Variants in GALNT17 observed in about 807,000 individuals in gnomAD.
GALNT17 encodes polypeptide N-acetylgalactosaminyltransferase 17.
In GALNT17, 29 loss-of-function variants were observed where a neutral mutation model predicts 63.7. The observed-to-expected ratio is 0.46, with a 90% CI of 0.34 to 0.62. The LOEUF (loss-of-function observed/expected upper bound fraction) is 0.62. GALNT17 is among the 20% of genes least tolerant of loss of function. The pLI is 0.01. For missense variants in GALNT17, 603 were observed against 799.6 expected (o/e 0.75, Z 2.97); for synonymous variants, 305 against 318.3 (o/e 0.96, Z 0.45).
chr7:71,229,507 C>T (rs1055574111), intron 1 of GALNT17, among the ~76,000 whole-genome samples: 1 of 152,242 alleles, frequency 6.6e-6, no homozygotes, highest in African/African-American at 2.4e-5. Context: ...GTGAGCTTGG[C>T]TCTCTGATAG....
intron 6 of GALNT17, among the ~76,000 whole-genome samples, chr7:71,644,654 G>A (rs1273961896): frequency 2.6e-5 from 4 of 151,856 alleles, no homozygotes; most frequent in African/African-American, 9.7e-5. Context: ...GGGAGGCTGA[G>A]ACAGGAGGAT....
At position 71,481,280 on chromosome 7, in the gene GALNT17, C is replaced by G. The variant is rs151172755; in HGVS notation, c.962+60175C>G. 4.5e-3 allele frequency among the ~76,000 whole-genome samples: 686 copies of G among 152,192 alleles called. 4 individuals are homozygous for G. Among genetic ancestry groups the G allele is most frequent in the African/African-American group, 0.015 (622 of 41,532 alleles). ...TGGCCAACATGGTGAAACCTCATCT[C>G]TAGTCAAAAAAATACAAAAATTAGT... On this transcript the variant is annotated intron_variant, in intron 5 of 10. Coordinates refer to ENST00000333538, the MANE Select transcript of GALNT17 (RefSeq NM_022479.3).
At chr7:71,527,411 A>C (rs1433374055) in intron 5 of GALNT17, among the ~76,000 whole-genome samples, 1 of 152,176 alleles carries the variant, frequency 6.6e-6, no homozygotes, top group African/African-American at 2.4e-5. Context: ...GGATGTCATT[A>C]AGGTTTCTGG....
At chr7:71,162,050 T>G in intron 1 of GALNT17, among the ~76,000 whole-genome samples, 1 of 103,090 alleles carries the variant, frequency 9.7e-6, no homozygotes, top group Non-Finnish European at 1.9e-5. Flanking sequence ...CTCCCTCCCT[T>G]CCTCCCTTTC....
At position 71,470,556 on chromosome 7, in the gene GALNT17, A is replaced by G. The variant is rs117558888; in HGVS notation, c.962+49451A>G. Among the ~76,000 whole-genome samples the G allele has an allele frequency of 5.2e-4, 79 of 152,198 alleles. 1 individual carries two copies. In the East Asian group the frequency reaches 0.013, roughly 26 times the overall value. On this transcript the variant is annotated intron_variant, in intron 5 of 10. Transcript: ENST00000333538. ...GTAAACTGCTCACTTTTAGAAATGA[A>G]AAGATTGATCCAAGTGGAAGGAGGG...
intron 9 of GALNT17, among the ~76,000 whole-genome samples, chr7:71,693,553 A>T (rs1015545653): frequency 2.6e-5 from 4 of 151,976 alleles, no homozygotes; most frequent in Non-Finnish European, 5.9e-5. Context: ...ACACAGAAAC[A>T]GAAAACCAAA....
intron 6 of GALNT17, among the ~76,000 whole-genome samples, chr7:71,627,216 T>A (rs1406954782): frequency 1.3e-5 from 2 of 152,224 alleles, no homozygotes; most frequent in Non-Finnish European, 2.9e-5. Context: ...TTTACAATGC[T>A]GTGTTCATTA....
chr7:71,367,723 G>A (rs2116258872), intron 2 of GALNT17, among the ~76,000 whole-genome samples: 1 of 152,306 alleles, frequency 6.6e-6, no homozygotes, highest in South Asian at 2.1e-4. Context: ...TCTATTTGGG[G>A]CTCTTCCTAT....
At position 71,348,937 on chromosome 7, in the gene GALNT17, C is replaced by A. The variant is rs567228263; in HGVS notation, c.422+13204C>A. Reference sequence around the variant, plus strand: ...AACCCATCCTAAACTTGCCTCCAGGCGTCTACATGGGCACACACACATCCC... The same window carrying A: ...AACCCATCCTAAACTTGCCTCCAGGAGTCTACATGGGCACACACACATCCC... On this transcript the variant is annotated intron_variant, in intron 2 of 10. Coordinates refer to ENST00000333538, the MANE Select transcript of GALNT17 (RefSeq NM_022479.3). 3.3e-5 allele frequency among the ~76,000 whole-genome samples: 5 copies of A among 152,330 alleles called. No homozygotes were observed. In the East Asian group the frequency reaches 7.7e-4, roughly 24 times the overall value.
rs113070343 is a variant in GALNT17, at chr7:71,189,811, C to CT, written c.238+56787dup. Among the ~76,000 whole-genome samples the CT allele has an allele frequency of 1.9e-3, 264 of 135,752 alleles. 2 individuals are homozygous for CT. The highest frequency in any genetic ancestry group is 2.5e-3 in the Non-Finnish European group (155 of 62,642). 89.1% of individuals were successfully genotyped at this position (135,752 alleles called of 152,430 possible). On this transcript the variant is annotated intron_variant, in intron 1 of 10. Coordinates refer to ENST00000333538, the MANE Select transcript of GALNT17 (RefSeq NM_022479.3). ...TACATAAAATAAGCAAGAACCATTT[C>CT]TTTTTTTTTTTTTTTTGAGACAGAG...
intron 2 of GALNT17, among the ~76,000 whole-genome samples, chr7:71,339,489 C>T (rs913842763): frequency 6.6e-6 from 1 of 152,248 alleles, no homozygotes; most frequent in South Asian, 2.1e-4. Flanking sequence ...GAGTTCGAGA[C>T]TAGCCTGGCC....
chr7:71,250,427 C>T (rs760081998), intron 1 of GALNT17, among the ~76,000 whole-genome samples: 6 of 152,162 alleles, frequency 3.9e-5, no homozygotes, highest in Non-Finnish European at 7.4e-5. Flanking sequence ...AGTTTTTTGA[C>T]AGTATGGCTA....
chr7:71,422,498 G>A (rs1786683959), intron 5 of GALNT17, among the ~76,000 whole-genome samples: 1 of 152,224 alleles, frequency 6.6e-6, no homozygotes, highest in African/African-American at 2.4e-5. Flanking sequence ...AAAGTGAAAT[G>A]GGAGTGTTCC....
At chr7:71,614,774 CAG>C (rs1554315798) in intron 6 of GALNT17, among the ~76,000 whole-genome samples, 5 of 149,026 alleles carry the variant, frequency 3.4e-5, no homozygotes, top group Admixed American at 1.3e-4. Flanking sequence ...GAGAAAGAAA[CAG>C]AGAAAGAGAA....
intron 5 of GALNT17, among the ~76,000 whole-genome samples, chr7:71,494,773 T>C (rs1302542436): frequency 6.6e-6 from 1 of 152,140 alleles, no homozygotes; most frequent in East Asian, 1.9e-4. Context: ...TTGACTCAGT[T>C]CCACGTGGCT....
chr7:71,184,941 TTCC>T (rs1788809874), intron 1 of GALNT17, among the ~76,000 whole-genome samples: 1 of 12,966 alleles, frequency 7.7e-5, no homozygotes, highest in African/African-American at 1.2e-3. Flanking sequence ...CCTTCCTCAC[TTCC>T]TTCCTTCCTT....
intron 6 of GALNT17, among the ~76,000 whole-genome samples, chr7:71,614,456 T>C (rs1790168400): frequency 6.6e-6 from 1 of 152,234 alleles, no homozygotes. Flanking sequence ...TAGCAAGATC[T>C]CATCTCTACA....
chr7:71,601,380 C>T (rs931492646), intron 6 of GALNT17, among the ~76,000 whole-genome samples: 2 of 151,938 alleles, frequency 1.3e-5, no homozygotes, highest in African/African-American at 2.4e-5. Flanking sequence ...AGTGGCTGTA[C>T]TAGTTTACAT....
intron 5 of GALNT17, among the ~76,000 whole-genome samples, chr7:71,564,546 A>G (rs972402869): frequency 2.6e-5 from 4 of 151,926 alleles, no homozygotes; most frequent in African/African-American, 9.7e-5. Context: ...TCAGCCTCCC[A>G]AAGTGCTGGG....
Sources: allele counts gnomAD v4.1 joint callset (sites outside exome capture counted in the v4.1 genomes callset), GRCh38; gene constraint gnomAD v4.1.1; transcripts MANE v1.5; gene names NCBI Gene and HGNC (gene_info 2026-07-23, HGNC 2026-07-21).